The following ASNS variants were observed in gnomAD, a reference collection of about 807,000 sequenced individuals.
ASNS encodes the protein asparagine synthetase [glutamine-hydrolyzing].
A neutral mutation model predicts 62.6 loss-of-function variants in ASNS; 37 were observed. That is an observed-to-expected ratio of 0.59 (90% CI 0.45 to 0.78). ASNS has a LOEUF of 0.78. ASNS is among the 30% of genes least tolerant of loss of function. The probability of loss-of-function intolerance (pLI) is 0.00; values close to 1 mark genes in which losing one functional copy is unlikely to be tolerated. For missense variants in ASNS, 520 were observed against 682.4 expected (o/e 0.76, Z 2.65); for synonymous variants, 207 against 237.9 (o/e 0.87, Z 1.19).
upstream of ASNS, among the ~76,000 whole-genome samples, chr7:97,875,388 C>T (rs1228189909): frequency 6.6e-6 from 1 of 152,230 alleles, no homozygotes; most frequent in Admixed American, 6.5e-5. Context: ...ATCCACCCGC[C>T]TTGGCCTCCC....
At chr7:97,868,029 C>T (rs964939521) in intron 3 of ASNS, among the ~76,000 whole-genome samples, 16 of 152,144 alleles carry the variant, frequency 1.1e-4, no homozygotes, top group African/African-American at 3.9e-4. Context: ...TCAAAACAAA[C>T]AAGAACCAGC....
chr7:97,908,437 C>T, the ASNS span: 2 of 152,138 alleles, frequency 1.3e-5, no homozygotes, highest in East Asian at 1.9e-4. Flanking sequence ...GTTAAACAAT[C>T]GTCACCCACA....
the ASNS span, among the ~76,000 whole-genome samples, chr7:97,886,872 T>C: frequency 5.3e-5 from 8 of 152,350 alleles, no homozygotes; most frequent in African/African-American, 1.9e-4. Context: ...TTTAATTTCC[T>C]GAATTTATTT....
the ASNS span, among the ~76,000 whole-genome samples, chr7:97,918,425 C>T: frequency 6.6e-6 from 1 of 152,092 alleles, no homozygotes; most frequent in Non-Finnish European, 1.5e-5. Flanking sequence ...AGGCGGAAAC[C>T]ATCCAAAGAC....
the ASNS span, among the ~76,000 whole-genome samples, chr7:97,902,468 T>C: frequency 6.6e-6 from 1 of 152,156 alleles, no homozygotes; most frequent in Admixed American, 6.5e-5. Flanking sequence ...TCCCAGCATT[T>C]TGGGAGGCCG....
At position 97,868,969 on chromosome 7, in the gene ASNS, C is replaced by T. The variant is rs761983860; in HGVS notation, c.188G>A (p.Arg63Gln). Residue 63 changes from arginine (R) to glutamine (Q), a missense_variant, in exon 3 of 13, where the codon CGA becomes CAA. By Grantham distance (43) the Arg-to-Gln change is conservative (BLOSUM62 1). Transcript: ENST00000394308. ...VDPLFGMQPI[R>Q]VKKYPYLWLC... is the part of the protein sequence containing the mutation. ...CCACAAATACGGATATTTCTTCACT[C>T]GAATTGGCTGCATTCCAAACAGCGG... 4.3e-6 allele frequency: 7 copies of T among 1,614,178 alleles called. No individual in the cohort carries two copies. Among genetic ancestry groups the T allele is most frequent in the Non-Finnish European group, 5.9e-6 (7 of 1,180,040 alleles).
At chr7:97,865,040 C>T (rs1791899656) in intron 3 of ASNS, among the ~76,000 whole-genome samples, 2 of 152,170 alleles carry the variant, frequency 1.3e-5, no homozygotes, top group Admixed American at 1.3e-4. Flanking sequence ...AGTTTGCATA[C>T]ATGGAACCAT....
the ASNS span, among the ~76,000 whole-genome samples, chr7:97,880,044 C>T: frequency 6.6e-6 from 1 of 152,092 alleles, no homozygotes; most frequent in South Asian, 2.1e-4. Context: ...ACCCCAGCTA[C>T]ATATACCAAA....
the ASNS span, among the ~76,000 whole-genome samples, chr7:97,889,395 T>C: frequency 6.6e-6 from 1 of 152,154 alleles, no homozygotes; most frequent in Non-Finnish European, 1.5e-5. Flanking sequence ...TACGTGCCTA[T>C]AGTCCCAGCT....
the ASNS span, among the ~76,000 whole-genome samples, chr7:97,901,070 G>A: frequency 6.6e-6 from 1 of 152,180 alleles, no homozygotes; most frequent in African/African-American, 2.4e-5. Flanking sequence ...ATTTTCATGG[G>A]TAAAGAAAAA....
At position 97,861,023 on chromosome 7, in the gene ASNS, C is replaced by CT. The variant is rs71108240; in HGVS notation, c.488-1626dup. Reference sequence around the variant, plus strand: ...TAGTTCAAAACTGATTCATTTGATCCTTTTTTTTTTTTTTTTTGAGATGAG... The same window carrying CT: ...TAGTTCAAAACTGATTCATTTGATCCTTTTTTTTTTTTTTTTTTGAGATGAG... On this transcript the variant is annotated intron_variant, in intron 4 of 12. Transcript: ENST00000394308. 3.2e-3 allele frequency among the ~76,000 whole-genome samples: 389 copies of CT among 120,670 alleles called. 23 individuals carry two copies. Among genetic ancestry groups the CT allele is most frequent in the South Asian group, 5.5e-3 (20 of 3,652 alleles). The allele number at this position is 120,670 out of a possible 152,430, so 79.2% of individuals were successfully genotyped here.
At chr7:97,878,271 A>ACC in the ASNS span, among the ~76,000 whole-genome samples, 3 of 152,092 alleles carry the variant, frequency 2.0e-5, no homozygotes, top group Non-Finnish European at 4.4e-5. Context: ...GTCTCTAACA[A>ACC]CCCAGCTCCC....
chr7:97,915,929 T>C, the ASNS span, among the ~76,000 whole-genome samples: 136,641 of 152,200 alleles, frequency 0.9, 61,430 homozygotes, highest in African/African-American at 0.94. Flanking sequence ...GATGAGGCTC[T>C]TCGGTGGTAT....
chr7:97,875,572 T>G (rs1037912256), upstream of ASNS, among the ~76,000 whole-genome samples: 2 of 152,230 alleles, frequency 1.3e-5, no homozygotes, highest in African/African-American at 4.8e-5. Flanking sequence ...TTGATCACCC[T>G]TCAGGGGAAA....
chr7:97,928,059 A>G, the ASNS span: 78 of 910,598 alleles, frequency 8.6e-5, no homozygotes, highest in Non-Finnish European at 1.2e-4. Flanking sequence ...GCACCCCCGG[A>G]CCCCCGCGCC....
At chr7:97,865,775 C>T (rs1216127187) in intron 3 of ASNS, among the ~76,000 whole-genome samples, 2 of 152,162 alleles carry the variant, frequency 1.3e-5, no homozygotes, top group Admixed American at 1.3e-4. Context: ...GCACATAAGT[C>T]CCATCTGTGG....
At chr7:97,867,826 GAA>G (rs1792048243) in intron 3 of ASNS, among the ~76,000 whole-genome samples, 1 of 152,158 alleles carries the variant, frequency 6.6e-6, no homozygotes, top group African/African-American at 2.4e-5. Flanking sequence ...TTTTAAATGA[GAA>G]GACTATTATT....
At chr7:97,852,768 T>G (rs1791244115) in intron 12 of ASNS, among the ~76,000 whole-genome samples, 1 of 152,162 alleles carries the variant, frequency 6.6e-6, no homozygotes, top group African/African-American at 2.4e-5. Flanking sequence ...TCAGTGATGA[T>G]TAGTAGTAAG....
chr7:97,863,190 A>G (rs1791804430), intron 4 of ASNS: 1 of 152,254 alleles, frequency 6.6e-6, no homozygotes, highest in Admixed American at 6.5e-5. Context: ...TTATAGCAGC[A>G]TTATTCATAA....
Sources: gnomAD v4.1 joint callset for allele counts (sites outside exome capture counted in the v4.1 genomes callset) on GRCh38, gnomAD v4.1.1 for gene constraint, MANE v1.5 for transcripts, NCBI Gene and HGNC (gene_info 2026-07-23, HGNC 2026-07-21) for gene names.